ADAMTS19: variants seen among roughly 807,000 people sequenced by gnomAD.
ADAMTS19 encodes A disintegrin and metalloproteinase with thrombospondin motifs 19.
Under a neutral mutation model 153.3 loss-of-function variants are expected in ADAMTS19, and 93 were observed. That is an observed-to-expected ratio of 0.61 (90% CI 0.51 to 0.72). The LOEUF is 0.72. ADAMTS19 is among the 30% of genes least tolerant of loss of function. ADAMTS19 has a pLI of 0.00. For missense variants in ADAMTS19, 1,482 were observed against 1,552.1 expected (o/e 0.95, Z 0.76); for synonymous variants, 600 against 556.6 (o/e 1.08, Z -1.10).
intron 6 of ADAMTS19, among the ~76,000 whole-genome samples, chr5:129,535,884 T>G (rs968231570): frequency 6.6e-6 from 1 of 152,182 alleles, no homozygotes; most frequent in African/African-American, 2.4e-5. Flanking sequence ...ACTGGATCCC[T>G]TCCTTACACC....
chr5:129,550,792 T>G (rs1753063572), intron 6 of ADAMTS19, among the ~76,000 whole-genome samples: 1 of 151,590 alleles, frequency 6.6e-6, no homozygotes, highest in African/African-American at 2.4e-5. Context: ...TTTACATTTC[T>G]CATTTATGTA....
At chr5:129,731,004 G>C (rs577977803) in intron 21 of ADAMTS19, among the ~76,000 whole-genome samples, 7 of 151,862 alleles carry the variant, frequency 4.6e-5, no homozygotes, top group Non-Finnish European at 8.8e-5. Context: ...TGTCACCCAG[G>C]CTGGAGTGCA....
At chr5:129,679,696 T>A in intron 16 of ADAMTS19, 68 bp from the exon 17 acceptor site, 1 of 1,309,398 alleles carries the variant, frequency 7.6e-7, no homozygotes, top group Non-Finnish European at 1.0e-6. Context: ...AACAAAATAA[T>A]TTGTAGTAGA....
rs539540189 is a variant in ADAMTS19 at position 129,611,312 on chromosome 5, G to T, written c.1479-9306G>T. On this transcript the variant is annotated intron_variant, in intron 8 of 22. Transcript: ENST00000274487. ...GTTTAATTAGATCCCATTTGTCAATGTTGGCTTTTGTTACCATTGCTTTTG... is the reference window on the plus strand; with the variant it reads ...GTTTAATTAGATCCCATTTGTCAATTTTGGCTTTTGTTACCATTGCTTTTG... Among the ~76,000 whole-genome samples, 39 of 152,160 alleles carry T rather than the reference G, an allele frequency of 2.6e-4. 2 individuals are homozygous for T. Among genetic ancestry groups the T allele is most frequent in the African/African-American group, 8.2e-4 (34 of 41,556 alleles).
At chr5:129,537,487 T>C (rs1265602142) in intron 6 of ADAMTS19, among the ~76,000 whole-genome samples, 2 of 152,266 alleles carry the variant, frequency 1.3e-5, no homozygotes, top group African/African-American at 2.4e-5. Context: ...GTATGTTTAT[T>C]GCGGCACTAT....
chr5:129,504,872 G>GACACACACAC (rs34742030), intron 2 of ADAMTS19, among the ~76,000 whole-genome samples: 4,125 of 148,180 alleles, frequency 0.028, 73 homozygotes, highest in South Asian at 0.054. Context: ...CACACACACA[G>GACACACACAC]ACACACACAC....
intron 2 of ADAMTS19, among the ~76,000 whole-genome samples, chr5:129,493,509 T>C (rs1003612297): frequency 5.3e-5 from 8 of 152,142 alleles, no homozygotes; most frequent in African/African-American, 9.7e-5. Context: ...AGATGCTTTG[T>C]AATTTTTTAA....
At chr5:129,628,030 A>G (rs1752130395) in intron 10 of ADAMTS19, among the ~76,000 whole-genome samples, 1 of 152,164 alleles carries the variant, frequency 6.6e-6, no homozygotes. Context: ...TGTTCACAAT[A>G]GCAAAGACAT....
intron 8 of ADAMTS19, among the ~76,000 whole-genome samples, chr5:129,604,609 C>G (rs747405938): frequency 6.6e-6 from 1 of 152,096 alleles, no homozygotes; most frequent in East Asian, 1.9e-4. Flanking sequence ...ATATTAGGCT[C>G]TTGATATATA....
intron 8 of ADAMTS19, among the ~76,000 whole-genome samples, chr5:129,615,595 G>T (rs897819517): frequency 6.6e-6 from 1 of 151,912 alleles, no homozygotes; most frequent in Non-Finnish European, 1.5e-5. Flanking sequence ...CAAATGAAAA[G>T]TTTTTGCATA....
At chr5:129,500,408 C>T (rs1751058703) in intron 2 of ADAMTS19, 1 of 152,106 alleles carries the variant, frequency 6.6e-6, no homozygotes, top group African/African-American at 2.4e-5. Flanking sequence ...AATGGAGAGT[C>T]TTTCATGGGT....
chr5:129,576,805 C>T (rs1236925770), intron 7 of ADAMTS19, among the ~76,000 whole-genome samples: 5 of 151,990 alleles, frequency 3.3e-5, no homozygotes, highest in South Asian at 2.1e-4. Context: ...ATGCAGTTGG[C>T]GAGTGCAACT....
chr5:129,634,693 A>C (rs927689142), intron 10 of ADAMTS19, among the ~76,000 whole-genome samples: 5 of 152,142 alleles, frequency 3.3e-5, no homozygotes, highest in African/African-American at 1.2e-4. Flanking sequence ...CTTACTAGCC[A>C]TATGCAGAAG....
At chr5:129,648,085 CTAAGAA>C (rs1235561424) in intron 12 of ADAMTS19, among the ~76,000 whole-genome samples, 190 bp downstream of exon 12, 3 of 152,056 alleles carry the variant, frequency 2.0e-5, no homozygotes, top group South Asian at 2.1e-4. Flanking sequence ...ACCAACCCTT[CTAAGAA>C]TAAGTAATGA....
chr5:129,623,458 C>T (rs141142892), intron 10 of ADAMTS19, among the ~76,000 whole-genome samples: 2 of 152,260 alleles, frequency 1.3e-5, no homozygotes, highest in East Asian at 3.9e-4. Flanking sequence ...GAAACATAGC[C>T]TATTTTACCC....
intron 2 of ADAMTS19, chr5:129,500,366 A>G (rs1751057744): frequency 6.6e-6 from 1 of 152,080 alleles, no homozygotes; most frequent in Non-Finnish European, 1.5e-5. Flanking sequence ...TTGGGATATT[A>G]TTGCTGAGCT....
At chr5:129,596,501 A>T (rs1359409429) in intron 7 of ADAMTS19, 58 bp from the exon 8 acceptor site, 1 of 1,118,678 alleles carries the variant, frequency 8.9e-7, no homozygotes, top group Non-Finnish European at 1.3e-6. Context: ...GCTAATAACT[A>T]GTATAAATAT....
intron 7 of ADAMTS19, among the ~76,000 whole-genome samples, chr5:129,557,861 T>A (rs1206719805): frequency 6.6e-6 from 1 of 152,016 alleles, no homozygotes; most frequent in Non-Finnish European, 1.5e-5. Flanking sequence ...TATTAGCAGA[T>A]ATTATCTTAC....
chr5:129,517,584 C>G (rs374946140), intron 3 of ADAMTS19, among the ~76,000 whole-genome samples: 1 of 151,932 alleles, frequency 6.6e-6, no homozygotes, highest in East Asian at 1.9e-4. Context: ...TCTATTTTGT[C>G]TGATATAAAT....
Sources: gnomAD v4.1 joint callset for allele counts (sites outside exome capture counted in the v4.1 genomes callset) on GRCh38, gnomAD v4.1.1 for gene constraint, MANE v1.5 for transcripts, NCBI Gene and HGNC (gene_info 2026-07-23, HGNC 2026-07-21) for gene names.